RAB3GAP2: variants seen among roughly 807,000 people sequenced by gnomAD.
RAB3GAP2 encodes rab3 GTPase-activating protein non-catalytic subunit.
RAB3GAP2 carries 87 observed loss-of-function variants against 185.3 expected under a neutral mutation model. That is an observed-to-expected ratio of 0.47 (90% CI 0.39 to 0.56). The LOEUF is 0.56. Ranked by LOEUF, RAB3GAP2 falls within the 20% of genes least tolerant of loss-of-function variation. The pLI, the probability that RAB3GAP2 is intolerant of heterozygous loss-of-function variation, is 0.00. For missense variants in RAB3GAP2, 1,492 were observed against 1,638.2 expected, an observed-to-expected ratio of 0.91 and a Z score of 1.54; for synonymous variants, 554 against 576.1, an observed-to-expected ratio of 0.96 and a Z score of 0.55.
At position 220,164,792 on chromosome 1, in the gene RAB3GAP2, C is replaced by A. The variant is rs752846101; in HGVS notation, c.3095G>T (p.Arg1032Leu). ...VQWNKDPEEA[R>L]FFVRSIEHLK... ...GTGTTCTATTGACCTAACAAAAAAA[C>A]GTGCTTCCTTACATACAGGGAGAAA... Residue 1032 changes from arginine to leucine, a missense_variant, in exon 27 of 35, where the codon CGT (arginine) becomes CTT (leucine). By Grantham distance (102) the Arg-to-Leu change is moderately radical (BLOSUM62 -2). Transcript: ENST00000358951. 9 of 1,607,720 alleles carry A rather than the reference C, an allele frequency of 5.6e-6. No homozygotes were observed. The African/African-American group carries it at 6.7e-5, about 12-fold the overall frequency.
At position 220,223,268 on chromosome 1, in the gene RAB3GAP2, T is replaced by C. The variant is rs529932890; in HGVS notation, c.181-9289A>G. 1.4e-4 allele frequency among the ~76,000 whole-genome samples: 22 copies of C among 152,134 alleles called. No individual in the cohort carries two copies. The East Asian group carries it at 3.1e-3, about 21-fold the overall frequency. On this transcript the variant is annotated intron_variant, in intron 2 of 34. Coordinates refer to ENST00000358951, the MANE Select transcript of RAB3GAP2 (RefSeq NM_012414.4). ...CTAGGTGTCATGGAGTAAAAGAAAG[T>C]GACAAAAAAATTCCTGCTCAGAAAC...
intron 1 of RAB3GAP2, among the ~76,000 whole-genome samples, chr1:220,251,346 A>G (rs1462699131): frequency 2.0e-5 from 3 of 152,088 alleles, no homozygotes; most frequent in Admixed American, 2.0e-4. Context: ...AGAATATGAA[A>G]CAGAAGCTAA....
chr1:220,221,896 T>C (rs927349260), intron 2 of RAB3GAP2, among the ~76,000 whole-genome samples: 1 of 152,232 alleles, frequency 6.6e-6, no homozygotes, highest in African/African-American at 2.4e-5. Flanking sequence ...TTGTAGTACT[T>C]ACGTAGTCAC....
chr1:220,256,092 G>T (rs1204446140), intron 1 of RAB3GAP2, among the ~76,000 whole-genome samples: 3 of 151,730 alleles, frequency 2.0e-5, no homozygotes, highest in Non-Finnish European at 4.4e-5. Context: ...CTCAACTGGG[G>T]GTCAATGTTC....
chr1:220,182,457 T>C, intron 20 of RAB3GAP2, 103 bp from the exon 21 acceptor site: 1 of 1,548,940 alleles, frequency 6.5e-7, no homozygotes, highest in Non-Finnish European at 8.7e-7. Flanking sequence ...CAAAACATTA[T>C]GAAGGAAGAG....
intron 2 of RAB3GAP2, among the ~76,000 whole-genome samples, chr1:220,226,925 CTCTT>C (rs1255637685): frequency 6.6e-6 from 1 of 152,162 alleles, no homozygotes; most frequent in Non-Finnish European, 1.5e-5. Context: ...CCAGAACTCA[CTCTT>C]TCCCTCCCAG....
intron 2 of RAB3GAP2, among the ~76,000 whole-genome samples, chr1:220,218,954 A>G (rs985745355): frequency 2.0e-5 from 3 of 152,214 alleles, no homozygotes; most frequent in African/African-American, 7.2e-5. Context: ...AAGGACAAAA[A>G]GCCTCTAATG....
At chr1:220,153,086 G>A in intron 33 of RAB3GAP2, 99 bp downstream of exon 33, 1 of 891,292 alleles carries the variant, frequency 1.1e-6, no homozygotes, top group South Asian at 1.3e-5. Flanking sequence ...TCTAATAAAA[G>A]GAAGAGCAAA....
chr1:220,170,210 T>G (rs193211512), intron 24 of RAB3GAP2, among the ~76,000 whole-genome samples: 1 of 151,626 alleles, frequency 6.6e-6, no homozygotes, highest in East Asian at 1.9e-4. Flanking sequence ...TAAGTGGGAG[T>G]TGAAAATGAG....
At chr1:220,193,193 G>C (rs1658657224) in intron 13 of RAB3GAP2, 47 bp downstream of exon 13, 1 of 1,601,792 alleles carries the variant, frequency 6.2e-7, no homozygotes, top group African/African-American at 1.3e-5. Flanking sequence ...TCAACTATTG[G>C]GGTAAAAAGT....
Position 220,196,311 on chromosome 1 carries a change from G to A in RAB3GAP2, c.899C>T (p.Ala300Val). Reference protein sequence around the residue: ...FNAAIKNSPPAMSQYITVGSN... With the variant: ...FNAAIKNSPPVMSQYITVGSN... The stretch of plus-strand genomic sequence containing the variant: ...CCCTACAGTGATATACTGAGACATG[G>A]CAGGTGGACTATTTTTAATTGCTGC... Residue 300 changes from alanine to valine, a missense_variant, in exon 10 of 35, where the codon GCC becomes GTC. Ala to Val is a moderately conservative substitution (Grantham distance 64). Coordinates refer to ENST00000358951, the MANE Select transcript of RAB3GAP2 (RefSeq NM_012414.4). The A allele has an allele frequency of 1.2e-6, 2 of 1,611,858 alleles. No homozygotes were observed. Among genetic ancestry groups the A allele is most frequent in the Non-Finnish European group, 1.7e-6 (2 of 1,178,092 alleles).
At position 220,172,027 on chromosome 1, in the gene RAB3GAP2, A is replaced by G; in HGVS notation, c.2439T>C (p.Asp813=). The G allele has an allele frequency of 1.2e-6, 2 of 1,614,178 alleles. No individual in the cohort carries two copies. The highest frequency in any genetic ancestry group is 2.2e-5 in the South Asian group (2 of 91,080). The part of the protein sequence containing the change: ...KMKVAIDETW[D]SQSVSPWWQQ... ...GCCACCATGGGGACACAGACTGAGA[A>G]TCCCAGGTCTCATCGATGGCCACTA... Residue 813 remains aspartate (D), a synonymous_variant, in exon 23 of 35, where the codon GAT becomes GAC. Transcript: ENST00000358951.
chr1:220,212,175 T>A (rs1458663958), intron 4 of RAB3GAP2, among the ~76,000 whole-genome samples: 1 of 152,200 alleles, frequency 6.6e-6, no homozygotes, highest in Admixed American at 6.5e-5. Flanking sequence ...CTTAAGTGTT[T>A]ATGAGTTTTA....
chr1:220,219,293 T>C, intron 2 of RAB3GAP2: 1 of 142,486 alleles, frequency 7.0e-6, no homozygotes, highest in South Asian at 2.2e-4. Flanking sequence ...GATGATTCAA[T>C]CTTAACAGAA....
rs564445170 is a variant in RAB3GAP2 at position 220,190,033 on chromosome 1, T to A, written c.1714+31A>T. 2.0e-6 allele frequency: 3 copies of A among 1,478,310 alleles called. No homozygotes were observed. In the Admixed American group the frequency reaches 5.0e-5, roughly 25 times the overall value. 91.6% of individuals were successfully genotyped at this position (1,478,310 alleles called of 1,614,324 possible). ...TGATTTAAAAGATGATAGAACAATA[T>A]GCTTTATTATTTGTATGAGAGAATA... On this transcript the variant is annotated intron_variant, in intron 16 of 34. Coordinates refer to ENST00000358951, the MANE Select transcript of RAB3GAP2 (RefSeq NM_012414.4).
At chr1:220,226,039 T>C (rs1659396383) in intron 2 of RAB3GAP2, among the ~76,000 whole-genome samples, 1 of 152,208 alleles carries the variant, frequency 6.6e-6, no homozygotes, top group Non-Finnish European at 1.5e-5. Context: ...TAAACTGTTA[T>C]AACAGTTTCT....
intron 21 of RAB3GAP2, among the ~76,000 whole-genome samples, chr1:220,176,584 C>T (rs1050589029): frequency 6.6e-6 from 1 of 152,204 alleles, no homozygotes; most frequent in African/African-American, 2.4e-5. Flanking sequence ...TAGCACTGGT[C>T]TCAGCAGTGG....
intron 2 of RAB3GAP2, among the ~76,000 whole-genome samples, chr1:220,222,088 T>C (rs1659316565): frequency 6.6e-6 from 1 of 152,228 alleles, no homozygotes; most frequent in Admixed American, 6.5e-5. Context: ...TCTCAGCAGC[T>C]TTCTGCCTAA....
intron 23 of RAB3GAP2, among the ~76,000 whole-genome samples, 182 bp downstream of exon 23, chr1:220,171,707 C>T (rs760025590): frequency 4.6e-5 from 7 of 152,136 alleles, no homozygotes; most frequent in Non-Finnish European, 8.8e-5. Context: ...CAGTAGGACA[C>T]TGCCATGTGA....
Sources: allele counts gnomAD v4.1 joint callset (sites outside exome capture counted in the v4.1 genomes callset), GRCh38; gene constraint gnomAD v4.1.1; transcripts MANE v1.5; gene names NCBI Gene and HGNC (gene_info 2026-07-23, HGNC 2026-07-21).